The following CAPN14 variants were observed in gnomAD, a reference collection of about 807,000 sequenced individuals.
CAPN14 encodes calpain-14.
Under a neutral mutation model 101.3 loss-of-function variants are expected in CAPN14, and 94 were observed. The ratio of observed to expected loss-of-function variants is 0.93; its 90% CI spans 0.79 to 1.10. CAPN14 has a LOEUF of 1.10. Among genes scored for constraint, CAPN14 ranks in the 50% least tolerant of loss-of-function variants. CAPN14 has a pLI of 0.00. For synonymous variants in CAPN14, 338 were observed against 317.9 expected (o/e 1.06, Z -0.67); for missense variants, 837 against 828.4 (o/e 1.01, Z -0.13).
At chr2:31,207,739 C>T (rs938425683) in intron 1 of CAPN14, among the ~76,000 whole-genome samples, 1 of 152,112 alleles carries the variant, frequency 6.6e-6, no homozygotes, top group Non-Finnish European at 1.5e-5. Flanking sequence ...GCACTCCAGC[C>T]TGGGAAGCAG....
At chr2:31,228,896 G>T (rs1683104236) in intron 1 of CAPN14, among the ~76,000 whole-genome samples, 1 of 152,154 alleles carries the variant, frequency 6.6e-6, no homozygotes, top group African/African-American at 2.4e-5. Context: ...TGTCTGACTG[G>T]GAACCCCCAT....
intron 15 of CAPN14, 26 bp downstream of exon 15, chr2:31,187,732 C>T (rs201025846): frequency 6.5e-7 from 1 of 1,540,038 alleles, no homozygotes; most frequent in South Asian, 1.2e-5. Flanking sequence ...CTCTTCCTCA[C>T]CCCCCACCAC....
chr2:31,218,707 C>T (rs556663800), upstream of CAPN14, among the ~76,000 whole-genome samples: 8 of 152,322 alleles, frequency 5.3e-5, no homozygotes, highest in East Asian at 1.4e-3. Flanking sequence ...AGCATGGCAA[C>T]TCGCCCAAGA....
intron 16 of CAPN14, among the ~76,000 whole-genome samples, chr2:31,181,386 TTTTCTTTCTTTTTTTCTTTC>T (rs1325543623): frequency 1.5e-5 from 2 of 131,202 alleles, no homozygotes; most frequent in Admixed American, 7.9e-5. Flanking sequence ...TCTTTTCTTT[TTTTCTTTCTTTTTTTCTTTC>T]TTTCTTTCTT....
chr2:31,217,128 T>G (rs142472966), intron 1 of CAPN14, among the ~76,000 whole-genome samples: 1,717 of 152,180 alleles, frequency 0.011, 26 homozygotes, highest in Non-Finnish European at 0.015. Flanking sequence ...CATCAGTAAC[T>G]CTACCAAATG....
At chr2:31,203,438 T>C (rs552986991) in intron 2 of CAPN14, among the ~76,000 whole-genome samples, 50 of 152,306 alleles carry the variant, frequency 3.3e-4, no homozygotes, top group South Asian at 8.3e-4. Flanking sequence ...GAAACACTTT[T>C]ATAGGAGGTA....
chr2:31,204,044 G>A (rs773831043), intron 2 of CAPN14, among the ~76,000 whole-genome samples: 10 of 152,198 alleles, frequency 6.6e-5, no homozygotes, highest in Non-Finnish European at 1.2e-4. Context: ...GGAGGTTGGA[G>A]AGATGTTAAA....
intron 12 of CAPN14, among the ~76,000 whole-genome samples, chr2:31,190,020 A>G (rs1031192718): frequency 3.3e-5 from 5 of 152,210 alleles, no homozygotes; most frequent in African/African-American, 1.2e-4. Context: ...GACATTCCGC[A>G]TCATCTCAGG....
At chr2:31,190,137 TTCTCTCTCTCTCTC>T (rs3031867) in intron 12 of CAPN14, among the ~76,000 whole-genome samples, 3 of 142,684 alleles carry the variant, frequency 2.1e-5, no homozygotes, top group African/African-American at 2.7e-5. Context: ...CTGATTCATA[TTCTCTCTCTCTCTC>T]TCTCTCTCTC....
At chr2:31,180,902 C>A (rs770421855) in intron 17 of CAPN14, 34 bp downstream of exon 17, 2 of 1,533,852 alleles carry the variant, frequency 1.3e-6, no homozygotes, top group Non-Finnish European at 8.8e-7. Flanking sequence ...TCTCAACCAA[C>A]AGCAAGCATC....
intron 1 of CAPN14, among the ~76,000 whole-genome samples, chr2:31,208,758 G>A (rs1021215812): frequency 2.7e-4 from 41 of 152,178 alleles, no homozygotes; most frequent in African/African-American, 9.2e-4. Context: ...ATGGGTCTAG[G>A]TCACATTTGG....
chr2:31,213,515 C>G (rs554940039), intron 1 of CAPN14, among the ~76,000 whole-genome samples: 26 of 152,328 alleles, frequency 1.7e-4, no homozygotes, highest in African/African-American at 5.8e-4. Flanking sequence ...CTGAGCACTG[C>G]TCTAAAGCAC....
rs769666959 is a variant in CAPN14, at chr2:31,186,410, T to C, written c.1645+18A>G. 1 of 1,540,712 alleles carries C rather than the reference T, an allele frequency of 6.5e-7. No individual in the cohort carries two copies. The highest frequency in any genetic ancestry group is 2.5e-5 in the East Asian group (1 of 40,478). On this transcript the variant is annotated intron_variant, in intron 16 of 21. Transcript: ENST00000403897. ...TGCATCCCCTCTGAGTCCTACAGAA[T>C]GGCTCTAAAACACTTACTTGACCAG...
rs1012410412 is a variant in CAPN14 at position 31,178,364 on chromosome 2, G to A, written c.1779+147C>T. 9 of 655,912 alleles carry A rather than the reference G, an allele frequency of 1.4e-5. No individual in the cohort carries two copies. In the Admixed American group the frequency reaches 2.0e-4, roughly 15 times the overall value. The allele number at this position is 655,912 out of a possible 1,614,324, so 40.6% of individuals were successfully genotyped here. A position where few individuals can be genotyped will look rare whatever the true frequency, so the allele number is the denominator to read the frequency against. On this transcript the variant is annotated intron_variant, in intron 18 of 21. Coordinates refer to ENST00000403897, the MANE Select transcript of CAPN14 (RefSeq NM_001145122.2). ...TCTCTGAGTTTGGAAGAGACCAATA[G>A]AGGAAATGCTCACCGAAGGGAGAAT...
upstream of CAPN14, among the ~76,000 whole-genome samples, chr2:31,219,658 A>C (rs1682801386): frequency 6.6e-6 from 1 of 152,218 alleles, no homozygotes; most frequent in African/African-American, 2.4e-5. Flanking sequence ...AGAAGAGGGA[A>C]ATGCATTCCT....
At chr2:31,195,577 T>C (rs1017436419) in intron 8 of CAPN14, among the ~76,000 whole-genome samples, 8 of 152,156 alleles carry the variant, frequency 5.3e-5, no homozygotes, top group African/African-American at 1.9e-4. Context: ...CCTTAAAAGA[T>C]CTGCCTTCCT....
intron 21 of CAPN14, 92 bp downstream of exon 21, chr2:31,176,495 C>A: frequency 1.1e-6 from 1 of 919,890 alleles, no homozygotes; most frequent in East Asian, 2.6e-5. Flanking sequence ...AATAAAGTGT[C>A]CCCAGAGCCC....
At chr2:31,198,953 T>C (rs980445706) in intron 7 of CAPN14, among the ~76,000 whole-genome samples, 2 of 152,226 alleles carry the variant, frequency 1.3e-5, no homozygotes, top group African/African-American at 2.4e-5. Flanking sequence ...AAGTCTTTCA[T>C]CTACACTCTC....
chr2:31,177,150 G>C lies in CAPN14; in HGVS notation c.1856-8C>G. The C allele has an allele frequency of 6.5e-7, 1 of 1,544,348 alleles. No individual in the cohort carries two copies. Among genetic ancestry groups the C allele is most frequent in the Non-Finnish European group, 8.8e-7 (1 of 1,141,220 alleles). The stretch of plus-strand genomic sequence containing the variant: ...CATCACTGAGCATGATTCCTGCATT[G>C]AGCACAAGCTCCTGCTGTGGGTATT... On this transcript the variant is annotated splice_polypyrimidine_tract_variant and splice_region_variant and intron_variant, in intron 19 of 21. Coordinates refer to ENST00000403897, the MANE Select transcript of CAPN14 (RefSeq NM_001145122.2).
Sources: gnomAD v4.1 joint callset for allele counts (sites outside exome capture counted in the v4.1 genomes callset) on GRCh38, gnomAD v4.1.1 for gene constraint, MANE v1.5 for transcripts, NCBI Gene and HGNC (gene_info 2026-07-23, HGNC 2026-07-21) for gene names.